The following NINJ1 variants were observed in gnomAD, a reference collection of about 807,000 sequenced individuals.
NINJ1 encodes the protein ninjurin-1.
NINJ1 carries 6 observed loss-of-function variants against 12.7 expected under a neutral mutation model. That is an observed-to-expected ratio of 0.47 (90% CI 0.26 to 0.93). The LOEUF (loss-of-function observed/expected upper bound fraction) is 0.93, where lower values mean the gene tolerates loss of function less well. NINJ1 is among the 40% of genes least tolerant of loss of function. NINJ1 has a pLI of 0.15. For missense variants in NINJ1, 170 were observed against 213.0 expected (o/e 0.80, Z 1.26); for synonymous variants, 100 against 96.0 (o/e 1.04, Z -0.25).
chr9:93,122,744 C>T (rs1016938770), intron 3 of NINJ1, among the ~76,000 whole-genome samples: 1 of 152,210 alleles, frequency 6.6e-6, no homozygotes, highest in Non-Finnish European at 1.5e-5. Context: ...TCTCTGACTG[C>T]TCCACGCAGG....
intron 1 of NINJ1, among the ~76,000 whole-genome samples, chr9:93,128,227 A>G (rs980043225): frequency 6.6e-6 from 1 of 152,152 alleles, no homozygotes; most frequent in Non-Finnish European, 1.5e-5. Flanking sequence ...CACTCCATGC[A>G]TACCCCGAAG....
chr9:93,125,767 AT>A (rs1827802285), intron 2 of NINJ1: 1 of 152,858 alleles, frequency 6.5e-6, no homozygotes, highest in African/African-American at 2.4e-5. Context: ...AAATAAAAAA[AT>A]TAGCTGGCAT....
chr9:93,126,287 G>T, intron 2 of NINJ1, 123 bp downstream of exon 2: 2 of 750,012 alleles, frequency 2.7e-6, no homozygotes, highest in South Asian at 1.8e-5. Context: ...GGTGATGAGG[G>T]CCAGGAACTC....
intron 2 of NINJ1, chr9:93,126,085 T>C (rs1030797337): frequency 2.1e-5 from 7 of 335,616 alleles, no homozygotes; most frequent in Non-Finnish European, 3.3e-5. Flanking sequence ...TAATCCCAGT[T>C]ACTTTGGGGG....
At chr9:93,124,788 G>T in intron 3 of NINJ1, 111 bp downstream of exon 3, 3 of 1,180,324 alleles carry the variant, frequency 2.5e-6, no homozygotes, top group Non-Finnish European at 3.5e-6. Context: ...GGATGCCCAT[G>T]GCCTAGGAAG....
At chr9:93,122,419 G>C (rs112391926) in intron 3 of NINJ1, among the ~76,000 whole-genome samples, 189 bp from the exon 4 acceptor site, 1 of 151,150 alleles carries the variant, frequency 6.6e-6, no homozygotes, top group Non-Finnish European at 1.5e-5. Context: ...AGCCTGGGAA[G>C]GGGGGAGAGG....
intron 1 of NINJ1, among the ~76,000 whole-genome samples, chr9:93,133,811 G>A (rs924435983): frequency 1.3e-5 from 2 of 152,116 alleles, no homozygotes; most frequent in African/African-American, 4.8e-5. Flanking sequence ...GGGGGAGGTC[G>A]GGAAAGCCGG....
Position 93,126,449 on chromosome 9 carries a change from C to G in NINJ1, c.265G>C (p.Val89Leu). 1 of 1,614,136 alleles carries G rather than the reference C, an allele frequency of 6.2e-7. No homozygotes were observed. ...AGCACCCCCACGCCGATCTGCAGCA[C>G]AAGGGAGATGGAGATGAGGACCACC... The part of the protein sequence containing the change: ...PLVVLISISL[V>L]LQIGVGVLLI... Residue 89 changes from valine (V) to leucine (L), a missense_variant, in exon 2 of 4, where the codon GTG (valine) becomes CTG (leucine). By Grantham distance (32) the Val-to-Leu change is conservative (BLOSUM62 1). Coordinates refer to ENST00000375446, the MANE Select transcript of NINJ1 (RefSeq NM_004148.4).
intron 1 of NINJ1, among the ~76,000 whole-genome samples, chr9:93,131,764 A>G (rs1401187047): frequency 6.6e-6 from 1 of 152,200 alleles, no homozygotes; most frequent in Non-Finnish European, 1.5e-5. Flanking sequence ...CGCAGGGCAC[A>G]CGGGGTAGGG....
At chr9:93,129,123 G>C (rs1827854167) in intron 1 of NINJ1, among the ~76,000 whole-genome samples, 1 of 152,202 alleles carries the variant, frequency 6.6e-6, no homozygotes, top group Non-Finnish European at 1.5e-5. Context: ...CGAGGAGCCT[G>C]TGCCCCTGCT....
rs1827871729 is a variant in NINJ1, at chr9:93,130,233, T to C, written c.76-3595A>G. 2.6e-5 allele frequency among the ~76,000 whole-genome samples: 4 copies of C among 152,172 alleles called. No individual in the cohort carries two copies. In the South Asian group the frequency reaches 8.3e-4, roughly 31 times the overall value. On this transcript the variant is annotated intron_variant, in intron 1 of 3. Transcript: ENST00000375446. ...GTGTAGGGGCGTGGCTGGCTCCTCA[T>C]GCAACCTTCTGTGGACGGTCGGCCT...
chr9:93,126,528 G>C lies in NINJ1; in HGVS notation c.186C>G (p.Ser62=), dbSNP rs1390891067. The part of the protein sequence containing the change: ...LDIALLMANA[S]QLKAVVEQGP... ...CCTGTTCCACGACGGCCTTCAGCTG[G>C]GACGCGTTGGCCATCAGCAGCGCGA... The change falls in exon 2 of 4, where the codon TCC becomes TCG. Residue 62 remains serine, a synonymous_variant. Coordinates refer to ENST00000375446, the MANE Select transcript of NINJ1 (RefSeq NM_004148.4). 3.7e-6 allele frequency: 6 copies of C among 1,614,190 alleles called. No homozygotes were observed. The highest frequency in any genetic ancestry group is 4.2e-6 in the Non-Finnish European group (5 of 1,180,038).
chr9:93,129,859 G>C (rs1272864313), intron 1 of NINJ1, among the ~76,000 whole-genome samples: 2 of 152,194 alleles, frequency 1.3e-5, no homozygotes, highest in Non-Finnish European at 2.9e-5. Flanking sequence ...CCCTAACCTT[G>C]GTACTCTGGG....
chr9:93,124,959 G>A lies in NINJ1; in HGVS notation c.408C>T (p.Ile136=). The change falls in exon 3 of 4, where the codon ATC becomes ATT. Residue 136 remains isoleucine, a synonymous_variant. Transcript: ENST00000375446. ...AGGGCTTCTGGACCCCGAAGGCCGT[G>A]ATGAAGATGTTGACTACCACGATGA... The part of the protein sequence containing the change: ...VFIIVVVNIF[I]TAFGVQKPLM... 2 of 1,614,134 alleles carry A rather than the reference G, an allele frequency of 1.2e-6. No homozygotes were observed. The highest frequency in any genetic ancestry group is 1.7e-6 in the Non-Finnish European group (2 of 1,179,994).
At chr9:93,124,424 G>A (rs567632030) in intron 3 of NINJ1, among the ~76,000 whole-genome samples, 5 of 152,240 alleles carry the variant, frequency 3.3e-5, no homozygotes, top group East Asian at 3.9e-4. Context: ...ACAGGGATGT[G>A]CCACCATGCC....
At chr9:93,125,229 T>C (rs1827795104) in intron 2 of NINJ1, 167 bp from the exon 3 acceptor site, 1 of 651,100 alleles carries the variant, frequency 1.5e-6, no homozygotes, top group African/African-American at 1.9e-5. Context: ...AATACATCTG[T>C]TTTGCTGAAA....
chr9:93,131,231 G>C (rs1827888642), intron 1 of NINJ1, among the ~76,000 whole-genome samples: 1 of 152,250 alleles, frequency 6.6e-6, no homozygotes, highest in South Asian at 2.1e-4. Flanking sequence ...GGAAACCCCA[G>C]CAAGACAGCA....
chr9:93,127,932 G>A (rs1048457181), intron 1 of NINJ1, among the ~76,000 whole-genome samples: 7 of 152,348 alleles, frequency 4.6e-5, no homozygotes, highest in South Asian at 2.1e-4. Flanking sequence ...AAAAATACAC[G>A]AGGCAGCCAA....
intron 3 of NINJ1, among the ~76,000 whole-genome samples, chr9:93,123,896 C>T (rs936745198): frequency 2.0e-5 from 3 of 152,328 alleles, no homozygotes; most frequent in East Asian, 1.9e-4. Context: ...ACTGGGCAGA[C>T]GCTCACCCTC....
Sources: allele counts gnomAD v4.1 joint callset (sites outside exome capture counted in the v4.1 genomes callset), GRCh38; gene constraint gnomAD v4.1.1; transcripts MANE v1.5; gene names NCBI Gene and HGNC (gene_info 2026-07-23, HGNC 2026-07-21).